Variants in KCNMB2 observed in about 807,000 individuals in gnomAD.
KCNMB2 encodes the protein calcium-activated potassium channel subunit beta-2.
In KCNMB2, 9 loss-of-function variants were observed where a neutral mutation model predicts 24.5. The observed-to-expected ratio is 0.37, with a 90% CI of 0.22 to 0.64. KCNMB2 has a LOEUF of 0.64. Among genes scored for constraint, KCNMB2 ranks in the 30% least tolerant of loss-of-function variants. The pLI is 0.63. For missense variants in KCNMB2, 226 were observed against 284.3 expected (o/e 0.79, Z 1.47); for synonymous variants, 109 against 104.4 (o/e 1.04, Z -0.27).
intron 1 of KCNMB2, among the ~76,000 whole-genome samples, chr3:178,731,719 C>T (rs554964240): frequency 5.3e-5 from 8 of 152,258 alleles, no homozygotes; most frequent in African/African-American, 1.9e-4. Context: ...GCCTGGCCAA[C>T]ATGGTGAAAC....
chr3:178,677,978 A>G (rs924400379), intron 1 of KCNMB2, among the ~76,000 whole-genome samples: 14 of 152,222 alleles, frequency 9.2e-5, no homozygotes, highest in Non-Finnish European at 1.3e-4. Context: ...ATTAGCCTGT[A>G]TAGGTCAAAA....
At chr3:178,724,823 G>T (rs1468073521) in intron 1 of KCNMB2, among the ~76,000 whole-genome samples, 1 of 151,908 alleles carries the variant, frequency 6.6e-6, no homozygotes. Context: ...GGGTGTGCAG[G>T]TTTATTTCAG....
chr3:178,766,933 A>G (rs1206532128), intron 1 of KCNMB2, among the ~76,000 whole-genome samples: 1 of 152,216 alleles, frequency 6.6e-6, no homozygotes, highest in Non-Finnish European at 1.5e-5. Context: ...GCTTGTCACA[A>G]TGAAAAACTG....
intron 1 of KCNMB2, among the ~76,000 whole-genome samples, chr3:178,652,366 A>C (rs1292049999): frequency 6.6e-6 from 1 of 152,114 alleles, no homozygotes. Flanking sequence ...TACCTAATGT[A>C]GGTGACAGGT....
At chr3:178,634,335 G>A (rs948569427) in intron 1 of KCNMB2, among the ~76,000 whole-genome samples, 4 of 152,064 alleles carry the variant, frequency 2.6e-5, no homozygotes, top group African/African-American at 9.7e-5. Context: ...CCTGAGACTG[G>A]GTAATTTATG....
chr3:178,828,533 G>A (rs1442184419), intron 4 of KCNMB2, among the ~76,000 whole-genome samples, 160 bp downstream of exon 4: 2 of 152,160 alleles, frequency 1.3e-5, no homozygotes, highest in African/African-American at 4.8e-5. Flanking sequence ...CTCTTGCCTA[G>A]AAAATATTTA....
At chr3:178,647,285 T>A (rs1413590112) in intron 1 of KCNMB2, among the ~76,000 whole-genome samples, 1 of 152,212 alleles carries the variant, frequency 6.6e-6, no homozygotes, top group East Asian at 1.9e-4. Context: ...AAAATTCCTA[T>A]TAGACAGATG....
chr3:178,706,194 G>C (rs1429139628), intron 1 of KCNMB2, among the ~76,000 whole-genome samples: 1 of 152,072 alleles, frequency 6.6e-6, no homozygotes, highest in Non-Finnish European at 1.5e-5. Flanking sequence ...CAAATTACCA[G>C]CTGCTTGATC....
At chr3:178,590,601 T>C (rs990110373) in intron 1 of KCNMB2, among the ~76,000 whole-genome samples, 2 of 152,236 alleles carry the variant, frequency 1.3e-5, no homozygotes, top group East Asian at 3.8e-4. Context: ...CCAAGAGCTG[T>C]ATGCATTATC....
intron 1 of KCNMB2, among the ~76,000 whole-genome samples, chr3:178,625,798 G>C (rs1333364808): frequency 6.6e-6 from 1 of 152,132 alleles, no homozygotes; most frequent in African/African-American, 2.4e-5. Context: ...ATATCCACTT[G>C]TTCACTTTTC....
chr3:178,804,321 T>C (rs1251594563), intron 1 of KCNMB2, among the ~76,000 whole-genome samples: 1 of 152,220 alleles, frequency 6.6e-6, no homozygotes, highest in Non-Finnish European at 1.5e-5. Context: ...TTTGGAATTC[T>C]AGGTGTTTCT....
intron 4 of KCNMB2, among the ~76,000 whole-genome samples, chr3:178,828,925 CTGTGTGTGTGTG>C (rs71181254): frequency 0.15 from 20,904 of 142,720 alleles, 1,644 homozygotes; most frequent in African/African-American, 0.16. Context: ...CCCATGGTCA[CTGTGTGTGTGTG>C]TGTGTGTGTG....
intron 1 of KCNMB2, among the ~76,000 whole-genome samples, chr3:178,801,127 G>A (rs1713759277): frequency 6.6e-6 from 1 of 152,056 alleles, no homozygotes; most frequent in South Asian, 2.1e-4. Context: ...GCACAACAGG[G>A]TGACTGCAGT....
intron 1 of KCNMB2, among the ~76,000 whole-genome samples, chr3:178,733,911 G>T (rs1723235573): frequency 6.6e-6 from 1 of 152,174 alleles, no homozygotes; most frequent in Admixed American, 6.5e-5. Flanking sequence ...TAGCTGGATT[G>T]AGGTGTTGTA....
At chr3:178,586,364 T>A (rs1717427540) in intron 1 of KCNMB2, among the ~76,000 whole-genome samples, 1 of 152,086 alleles carries the variant, frequency 6.6e-6, no homozygotes, top group Non-Finnish European at 1.5e-5. Context: ...TGGTAACAAA[T>A]CAAGCACGTC....
chr3:178,759,253 C>A (rs1399414646), intron 1 of KCNMB2, among the ~76,000 whole-genome samples: 3 of 118,562 alleles, frequency 2.5e-5, no homozygotes, highest in Non-Finnish European at 5.2e-5. Context: ...ATATATATCT[C>A]TCCAAGAAGA....
chr3:178,812,988 G>T (rs756727548), intron 2 of KCNMB2, among the ~76,000 whole-genome samples: 2 of 151,732 alleles, frequency 1.3e-5, no homozygotes, highest in South Asian at 2.1e-4. Flanking sequence ...CACACCTATC[G>T]CACTTCCCAA....
intron 1 of KCNMB2, among the ~76,000 whole-genome samples, chr3:178,719,031 C>T (rs958054750): frequency 2.0e-5 from 3 of 152,302 alleles, no homozygotes; most frequent in African/African-American, 7.2e-5. Context: ...TCGCAGCCTC[C>T]AGCCCAGCCC....
chr3:178,814,118 C>T (rs1351458086), intron 2 of KCNMB2, among the ~76,000 whole-genome samples: 6 of 152,058 alleles, frequency 3.9e-5, no homozygotes, highest in Non-Finnish European at 7.4e-5. Context: ...AACTAGTACC[C>T]AATAGGTAGT....
Sources: allele counts gnomAD v4.1 joint callset (sites outside exome capture counted in the v4.1 genomes callset), GRCh38; gene constraint gnomAD v4.1.1; transcripts MANE v1.5; gene names NCBI Gene and HGNC (gene_info 2026-07-23, HGNC 2026-07-21).